LRBA: variants seen among roughly 807,000 people sequenced by gnomAD.
LRBA encodes LPS responsive beige-like anchor protein, also known as lipopolysaccharide-responsive and beige-like anchor protein.
Under a neutral mutation model 330.0 loss-of-function variants are expected in LRBA, and 176 were observed. The observed-to-expected ratio is 0.53, with a 90% confidence interval of 0.47 to 0.60. The LOEUF (loss-of-function observed/expected upper bound fraction) is 0.60. Ranked by LOEUF, LRBA falls within the 20% of genes least tolerant of loss-of-function variation. The pLI is 0.00. For missense variants in LRBA, 3,259 were observed against 3,444.8 expected, an observed-to-expected ratio of 0.95 and a Z score of 1.35; for synonymous variants, 1,230 against 1,193.0, an observed-to-expected ratio of 1.03 and a Z score of -0.64.
intron 36 of LRBA, among the ~76,000 whole-genome samples, chr4:150,719,129 A>G (rs1728607132): frequency 1.3e-5 from 2 of 152,140 alleles, no homozygotes; most frequent in African/African-American, 4.8e-5. Flanking sequence ...AACTGAAAAT[A>G]TATATACTTT....
chr4:150,683,752 G>C, intron 36 of LRBA, 35 bp from the exon 37 acceptor site: 1 of 1,472,024 alleles, frequency 6.8e-7, no homozygotes, highest in Non-Finnish European at 9.2e-7. Context: ...TATAAAAAAT[G>C]TGAAAAAAAC....
chr4:150,787,023 A>G (rs1739170663), intron 34 of LRBA, among the ~76,000 whole-genome samples: 1 of 152,168 alleles, frequency 6.6e-6, no homozygotes, highest in African/African-American at 2.4e-5. Flanking sequence ...CCTGAAGTAG[A>G]GAGTTCAAGA....
chr4:150,770,259 C>A (rs1578726383), intron 34 of LRBA, among the ~76,000 whole-genome samples: 1 of 152,108 alleles, frequency 6.6e-6, no homozygotes, highest in African/African-American at 2.4e-5. Context: ...TTTTAGACAG[C>A]AGATCATGGG....
intron 46 of LRBA, among the ~76,000 whole-genome samples, chr4:150,435,192 T>C (rs1359462510): frequency 1.3e-5 from 2 of 150,720 alleles, no homozygotes; most frequent in East Asian, 2.0e-4. Flanking sequence ...TAAAAAAAAA[T>C]ACAAAAAAAC....
At chr4:150,994,660 G>T (rs1048143919) in intron 2 of LRBA, among the ~76,000 whole-genome samples, 3 of 152,138 alleles carry the variant, frequency 2.0e-5, no homozygotes, top group Non-Finnish European at 4.4e-5. Flanking sequence ...GTGGGGAAAG[G>T]TTCTCTAATA....
intron 17 of LRBA, among the ~76,000 whole-genome samples, chr4:150,873,685 C>T (rs1231143993): frequency 6.6e-6 from 1 of 152,030 alleles, no homozygotes; most frequent in African/African-American, 2.4e-5. Context: ...TTCATTACAG[C>T]ATTCCCTTCC....
At chr4:151,009,840 C>T (rs551114974) in intron 2 of LRBA, among the ~76,000 whole-genome samples, 2 of 150,224 alleles carry the variant, frequency 1.3e-5, no homozygotes, top group Admixed American at 6.6e-5. Flanking sequence ...ATTAGCTGGG[C>T]GTGGTGGCAC....
intron 47 of LRBA, among the ~76,000 whole-genome samples, chr4:150,368,996 A>G (rs998427383): frequency 5.3e-5 from 8 of 152,330 alleles, no homozygotes; most frequent in Non-Finnish European, 1.2e-4. Flanking sequence ...AGAAGCTGAT[A>G]GTTCCCAAAC....
chr4:150,823,887 T>C (rs1164087750), intron 30 of LRBA, among the ~76,000 whole-genome samples: 1 of 152,136 alleles, frequency 6.6e-6, no homozygotes, highest in Non-Finnish European at 1.5e-5. Flanking sequence ...TTTTGTTCTC[T>C]TTGCTCAGGA....
rs1166070435 is a variant in LRBA, at chr4:150,344,788, C to G, written c.7362+5204G>C. ...CTGGTCTTGAACTCCCAGCCTGAAG[C>G]CATTCTCTTGCCTTGGCCTCCAAAA... On this transcript the variant is annotated intron_variant, in intron 48 of 56. Coordinates refer to ENST00000651943, the MANE Select transcript of LRBA (RefSeq NM_001364905.1). Among the ~76,000 whole-genome samples the G allele has an allele frequency of 3.3e-5, 5 of 152,242 alleles. No individual in the cohort carries two copies. The East Asian group carries it at 7.7e-4, about 24-fold the overall frequency.
intron 2 of LRBA, among the ~76,000 whole-genome samples, chr4:150,950,056 T>G (rs552428275): frequency 6.6e-6 from 1 of 152,284 alleles, no homozygotes; most frequent in African/African-American, 2.4e-5. Context: ...ATTACATAAC[T>G]TCAGATTCAT....
intron 36 of LRBA, among the ~76,000 whole-genome samples, chr4:150,698,280 G>T (rs914841792): frequency 6.6e-6 from 1 of 152,060 alleles, no homozygotes; most frequent in African/African-American, 2.4e-5. Flanking sequence ...GAAAAGGAAG[G>T]CTTTACATTA....
chr4:150,675,858 G>A lies in LRBA; in HGVS notation c.5921+7693C>T, dbSNP rs537225844. ...ATTATTTAAAATACTAGCATATCTA[G>A]CCTAGATATTAACATATAAAGCTCT... On this transcript the variant is annotated intron_variant, in intron 37 of 56. Coordinates refer to ENST00000651943, the MANE Select transcript of LRBA (RefSeq NM_001364905.1). Among the ~76,000 whole-genome samples the A allele has an allele frequency of 2.0e-5, 3 of 151,926 alleles. No homozygotes were observed. In the East Asian group the frequency reaches 5.8e-4, roughly 29 times the overall value.
intron 33 of LRBA, among the ~76,000 whole-genome samples, chr4:150,805,446 G>GGGAAA (rs75535803): frequency 0.13 from 5,322 of 39,696 alleles, 667 homozygotes; most frequent in Non-Finnish European, 0.17. Context: ...AGGAAGGAAA[G>GGGAAA]GGAAAGGAAA....
At chr4:150,682,256 C>T (rs551672471) in intron 37 of LRBA, among the ~76,000 whole-genome samples, 53 of 152,182 alleles carry the variant, frequency 3.5e-4, no homozygotes, top group African/African-American at 1.2e-3. Flanking sequence ...AACTCTAAAA[C>T]CCTCAATACA....
chr4:150,554,586 TAAAG>T (rs1767047433), intron 40 of LRBA, among the ~76,000 whole-genome samples: 1 of 152,134 alleles, frequency 6.6e-6, no homozygotes, highest in African/African-American at 2.4e-5. Context: ...AAATTGACAA[TAAAG>T]AATCAATCAC....
chr4:150,479,153 G>A (rs1313067342), intron 42 of LRBA, among the ~76,000 whole-genome samples: 2 of 151,990 alleles, frequency 1.3e-5, no homozygotes, highest in Non-Finnish European at 2.9e-5. Context: ...GGTATCATGT[G>A]CCTACAGTCC....
At chr4:150,732,503 G>A (rs1036210114) in intron 36 of LRBA, among the ~76,000 whole-genome samples, 1 of 151,962 alleles carries the variant, frequency 6.6e-6, no homozygotes, top group Non-Finnish European at 1.5e-5. Context: ...CCGAAGAACG[G>A]AAAATTGATA....
intron 47 of LRBA, among the ~76,000 whole-genome samples, chr4:150,364,172 G>T (rs891131898): frequency 6.6e-6 from 1 of 152,192 alleles, no homozygotes; most frequent in Non-Finnish European, 1.5e-5. Flanking sequence ...AAGTCAGTAT[G>T]TTATGCAAAG....
Sources: allele counts gnomAD v4.1 joint callset (sites outside exome capture counted in the v4.1 genomes callset), GRCh38; gene constraint gnomAD v4.1.1; transcripts MANE v1.5; gene names NCBI Gene and HGNC (gene_info 2026-07-23, HGNC 2026-07-21).